Variants in OGDHL observed in about 807,000 individuals in gnomAD.
OGDHL encodes the protein oxoglutarate dehydrogenase L, also known as 2-oxoglutarate dehydrogenase-like, mitochondrial.
A neutral mutation model predicts 109.6 loss-of-function variants in OGDHL; 79 were observed. The observed-to-expected ratio is 0.72, with a 90% CI of 0.60 to 0.87. The LOEUF (loss-of-function observed/expected upper bound fraction) is 0.87. Among genes scored for constraint, OGDHL ranks in the 40% least tolerant of loss-of-function variants. OGDHL has a pLI of 0.00. For missense variants in OGDHL, 1,275 were observed against 1,362.2 expected (o/e 0.94, Z 1.01); for synonymous variants, 528 against 537.2 (o/e 0.98, Z 0.24).
At chr10:49,742,678 C>T (rs1841869267) in intron 15 of OGDHL, 150 bp downstream of exon 15, 6 of 1,018,260 alleles carry the variant, frequency 5.9e-6, no homozygotes, top group East Asian at 2.6e-5. Flanking sequence ...GGGGGGTCAG[C>T]GAGGTGGCCA....
intron 17 of OGDHL, chr10:49,739,068 T>C (rs1299263098): frequency 6.6e-6 from 1 of 152,440 alleles, no homozygotes. Flanking sequence ...ATGGTGGCAA[T>C]GAGCCCCCTG....
intron 3 of OGDHL, among the ~76,000 whole-genome samples, chr10:49,755,959 C>T (rs1195904397): frequency 6.6e-6 from 1 of 152,204 alleles, no homozygotes; most frequent in African/African-American, 2.4e-5. Flanking sequence ...ATTGATGGGT[C>T]CTCAGGCCAG....
chr10:49,759,327 C>T (rs570428555), intron 1 of OGDHL, among the ~76,000 whole-genome samples: 88 of 152,180 alleles, frequency 5.8e-4, no homozygotes, highest in Non-Finnish European at 9.7e-4. Context: ...AAGGCAGCCC[C>T]AGGCCCAGCC....
chr10:49,756,814 C>T lies in OGDHL; in HGVS notation c.337G>A (p.Asp113Asn), dbSNP rs1842945066. 1 of 1,613,950 alleles carries T rather than the reference C, an allele frequency of 6.2e-7. No homozygotes were observed. Among genetic ancestry groups the T allele is most frequent in the Non-Finnish European group, 8.5e-7 (1 of 1,179,928 alleles). Residue 113 changes from aspartate (D) to asparagine (N), a missense_variant, in exon 3 of 23, where the codon GAC (aspartate) becomes AAC (asparagine). Asp to Asn is a conservative substitution (Grantham distance 23). Coordinates refer to ENST00000374103, the MANE Select transcript of OGDHL (RefSeq NM_018245.3). ...ATCAGGGACTGCACAGCCAGGTGGT[C>T]CTCCACCAATTTGCTGGTCTTGGTC... ...SRTKTSKLVE[D>N]HLAVQSLIRA...
chr10:49,758,279 G>A lies in OGDHL; in HGVS notation c.204+110C>T, dbSNP rs567862225. ...GAGGACCTGAGAGGCAAAGAAACCT[G>A]CCCAGGATCACACAGCAGGCAAGCT... On this transcript the variant is annotated intron_variant, in intron 2 of 22. Coordinates refer to ENST00000374103, the MANE Select transcript of OGDHL (RefSeq NM_018245.3). 259 of 1,120,198 alleles carry A rather than the reference G, an allele frequency of 2.3e-4. 2 individuals carry two copies. The African/African-American group carries it at 3.6e-3, about 16-fold the overall frequency. 69.4% of individuals were successfully genotyped at this position (1,120,198 alleles called of 1,614,324 possible).
chr10:49,744,074 G>T lies in OGDHL; in HGVS notation c.1781C>A (p.Thr594Lys). 6.2e-7 allele frequency: 1 copy of T among 1,614,096 alleles called. No homozygotes were observed. The highest frequency in any genetic ancestry group is 8.5e-7 in the Non-Finnish European group (1 of 1,179,988). ...GEPKSMTCPATGIPEDMLTHI... is the reference protein window; with the variant it reads ...GEPKSMTCPAKGIPEDMLTHI... ...GGTGAGCATGTCCTCAGGGATCCCC[G>T]TGGCTGGGCATGTCATGCTCTTGGG... is the stretch of plus-strand genomic sequence containing the variant. The change falls in exon 14 of 23, where the codon ACG becomes AAG. Residue 594 changes from threonine (T) to lysine (K), a missense_variant. Coordinates refer to ENST00000374103, the MANE Select transcript of OGDHL (RefSeq NM_018245.3).
In OGDHL at chr10:49,752,255, A is replaced by C; in HGVS notation, c.479-7T>G. 1 of 1,610,792 alleles carries C rather than the reference A, an allele frequency of 6.2e-7. No individual in the cohort carries two copies. The highest frequency in any genetic ancestry group is 2.2e-5 in the East Asian group (1 of 44,838). The stretch of plus-strand genomic sequence containing the variant: ...TCCTGAAGGTCATAGAAGGCTGGAG[A>C]AGGAGGCGTGGCCGAGCCCCGGGCA... On this transcript the variant is annotated splice_region_variant and splice_polypyrimidine_tract_variant and intron_variant, in intron 4 of 22. Coordinates refer to ENST00000374103, the MANE Select transcript of OGDHL (RefSeq NM_018245.3).
chr10:49,758,358 C>G, intron 2 of OGDHL, 31 bp downstream of exon 2: 1 of 1,581,022 alleles, frequency 6.3e-7, no homozygotes, highest in Non-Finnish European at 8.6e-7. Flanking sequence ...CCCTCCCTTG[C>G]GGTGGCCCAG....
chr10:49,742,375 A>AC (rs1590702282), intron 15 of OGDHL, among the ~76,000 whole-genome samples: 1 of 956 alleles, frequency 1.0e-3, no homozygotes, highest in South Asian at 0.024. Flanking sequence ...ACACACCCAC[A>AC]AATACACACC....
Position 49,735,031 on chromosome 10 carries a change from T to C in OGDHL, c.*197A>G, listed in dbSNP as rs1841039341. 3 of 593,158 alleles carry C rather than the reference T, an allele frequency of 5.1e-6. No homozygotes were observed. The highest frequency in any genetic ancestry group is 6.7e-5 in the Admixed American group (2 of 29,808). 36.7% of individuals were successfully genotyped at this position (593,158 alleles called of 1,614,324 possible). ...CACAGTAGCCTGCCTATAGGACTCC[T>C]CTGGCTCCCTCAGTCCTGGTAGATT... On this transcript the variant is annotated 3_prime_UTR_variant, in exon 23 of 23. Transcript: ENST00000374103.
intron 8 of OGDHL, among the ~76,000 whole-genome samples, chr10:49,748,050 C>CA (rs11380634): frequency 0.2 from 31,079 of 152,206 alleles, 3,729 homozygotes; most frequent in Non-Finnish European, 0.28. Flanking sequence ...CTGGCACCAT[C>CA]ACACACTGTG....
In OGDHL at chr10:49,735,093, G is replaced by T; in HGVS notation, c.*135C>A. 1 of 1,112,358 alleles carries T rather than the reference G, an allele frequency of 9.0e-7. No individual in the cohort carries two copies. Among genetic ancestry groups the T allele is most frequent in the Non-Finnish European group, 1.3e-6 (1 of 779,336 alleles). The allele number at this position is 1,112,358 out of a possible 1,614,324, so 68.9% of individuals were successfully genotyped here. The stretch of plus-strand genomic sequence containing the variant: ...CCAAGGCCAGCAGTGCTGGCTCTTG[G>T]CCCTGTCACTGTGTCTGTTTTATCC... On this transcript the variant is annotated 3_prime_UTR_variant, in exon 23 of 23. Transcript: ENST00000374103.
chr10:49,740,576 C>T, intron 16 of OGDHL, 134 bp downstream of exon 16: 1 of 1,113,980 alleles, frequency 9.0e-7, no homozygotes, highest in Admixed American at 2.9e-5. Flanking sequence ...CAATCACCAT[C>T]CCCCAGGGCC....
chr10:49,736,490 T>C lies in OGDHL; in HGVS notation c.2621A>G (p.Asp874Gly), dbSNP rs1841198531. Reference sequence around the variant, plus strand: ...CTCAGGGGCCCGTGCTGCGGCCCCATCTTCAGGAATCACCCGCTGGAAGCT... The same window carrying C: ...CTCAGGGGCCCGTGCTGCGGCCCCACCTTCAGGAATCACCCGCTGGAAGCT... Reference protein sequence around the residue: ...GTSFQRVIPEDGAAARAPEQV... With the variant: ...GTSFQRVIPEGGAAARAPEQV... Residue 874 changes from aspartate to glycine, a missense_variant, in exon 21 of 23, where the codon GAT becomes GGT. Coordinates refer to ENST00000374103, the MANE Select transcript of OGDHL (RefSeq NM_018245.3). The C allele has an allele frequency of 6.2e-7, 1 of 1,613,556 alleles. No individual in the cohort carries two copies. The highest frequency in any genetic ancestry group is 8.5e-7 in the Non-Finnish European group (1 of 1,180,008).
chr10:49,742,905 G>A lies in OGDHL; in HGVS notation c.1935C>T (p.Tyr645=), dbSNP rs1281617072. The A allele has an allele frequency of 6.2e-7, 1 of 1,614,058 alleles. No homozygotes were observed. Among genetic ancestry groups the A allele is most frequent in the South Asian group, 1.1e-5 (1 of 91,088 alleles). The change falls in exon 15 of 23, where the codon TAC becomes TAT. Residue 645 remains tyrosine (Y), a synonymous_variant. Transcript: ENST00000374103. ...CCTTCAGCAGGGAGCCAAAGGCCAT[G>A]TACTCTGCCAACGCCCAGTCCACCG... ...NRTVDWALAE[Y]MAFGSLLKEG...
At position 49,739,895 on chromosome 10, in the gene OGDHL, C is replaced by G. The variant is rs1841518908; in HGVS notation, c.2141-56G>C. 50 of 1,555,994 alleles carry G rather than the reference C, an allele frequency of 3.2e-5. No homozygotes were observed. In the South Asian group the frequency reaches 4.9e-4, roughly 15 times the overall value. On this transcript the variant is annotated intron_variant, in intron 16 of 22. Coordinates refer to ENST00000374103, the MANE Select transcript of OGDHL (RefSeq NM_018245.3). ...ACACAGTCACCAAGTGGCAGTGGCT[C>G]CAGTCAAATTTAGCCTTTCTCAGTA...
At position 49,736,501 on chromosome 10, in the gene OGDHL, C is replaced by T. The variant is rs1440420452; in HGVS notation, c.2610G>A (p.Val870=). Residue 870 remains valine (V), a synonymous_variant, in exon 21 of 23, where the codon GTG becomes GTA. Coordinates refer to ENST00000374103, the MANE Select transcript of OGDHL (RefSeq NM_018245.3). The part of the protein sequence containing the change: ...QMVSGTSFQR[V]IPEDGAAARA... ...GTGCTGCGGCCCCATCTTCAGGAATCACCCGCTGGAAGCTGGTCCCTGAGG... is the reference window on the plus strand; with the variant it reads ...GTGCTGCGGCCCCATCTTCAGGAATTACCCGCTGGAAGCTGGTCCCTGAGG... 1 of 1,613,378 alleles carries T rather than the reference C, an allele frequency of 6.2e-7. No homozygotes were observed. Among genetic ancestry groups the T allele is most frequent in the Non-Finnish European group, 8.5e-7 (1 of 1,179,986 alleles).
intron 17 of OGDHL, 111 bp from the exon 18 acceptor site, chr10:49,738,373 G>T: frequency 9.1e-7 from 1 of 1,095,682 alleles, no homozygotes; most frequent in Non-Finnish European, 1.3e-6. Flanking sequence ...CAGCAGAGGT[G>T]CCCTCACCCT....
At chr10:49,744,187 T>C in intron 13 of OGDHL, 65 bp from the exon 14 acceptor site, 1 of 1,582,086 alleles carries the variant, frequency 6.3e-7, no homozygotes, top group South Asian at 1.1e-5. Flanking sequence ...CTGGCCAGCC[T>C]GCCTCCCCAG....
Sources: allele counts gnomAD v4.1 joint callset (sites outside exome capture counted in the v4.1 genomes callset), GRCh38; gene constraint gnomAD v4.1.1; transcripts MANE v1.5; gene names NCBI Gene and HGNC (gene_info 2026-07-23, HGNC 2026-07-21).